Variants in MARCHF6 observed in about 807,000 individuals in gnomAD.
MARCHF6 encodes membrane associated ring-CH-type finger 6.
In MARCHF6, 31 loss-of-function variants were observed where a neutral mutation model predicts 133.7. That is an observed-to-expected ratio of 0.23 (90% confidence interval 0.17 to 0.31). The LOEUF (loss-of-function observed/expected upper bound fraction) is 0.31, where lower values mean the gene tolerates loss of function less well. MARCHF6 is among the 10% of genes least tolerant of loss of function. The pLI, the probability that MARCHF6 is intolerant of heterozygous loss-of-function variation, is 1.00. For missense variants in MARCHF6, 723 were observed against 1,121.6 expected, an observed-to-expected ratio of 0.64 and a Z score of 5.08; for synonymous variants, 395 against 402.5, an observed-to-expected ratio of 0.98 and a Z score of 0.22.
chr5:10,427,059 C>G (rs1214811839), intron 24 of MARCHF6, among the ~76,000 whole-genome samples: 3 of 152,240 alleles, frequency 2.0e-5, no homozygotes, highest in Admixed American at 6.5e-5. Context: ...AGAATTCCGT[C>G]TCTCAGCAGC....
intron 1 of MARCHF6, among the ~76,000 whole-genome samples, chr5:10,360,971 A>T (rs1216870565): frequency 1.3e-5 from 2 of 152,236 alleles, no homozygotes; most frequent in Non-Finnish European, 2.9e-5. Context: ...AAGACTATGA[A>T]GATCACTTAT....
chr5:10,399,052 A>C (rs2126753592), intron 10 of MARCHF6, among the ~76,000 whole-genome samples: 1 of 152,276 alleles, frequency 6.6e-6, no homozygotes. Flanking sequence ...AATTGTCCTT[A>C]ATTTCAGGAT....
At position 10,410,275 on chromosome 5, in the gene MARCHF6, C is replaced by T. The variant is rs775638871; in HGVS notation, c.1690C>T (p.Leu564=). 5 of 1,612,252 alleles carry T rather than the reference C, an allele frequency of 3.1e-6. No homozygotes were observed. The Admixed American group carries it at 5.0e-5, about 16-fold the overall frequency. Residue 564 remains leucine (L), a splice_region_variant and synonymous_variant, in exon 18 of 26, where the codon CTG becomes TTG. Transcript: ENST00000274140. ...RAWTVTAGYL[L]DLHSYLLGDQ... is the part of the protein sequence containing the mutation. ...GTGGACTGTGACCGCCGGATACTTG[C>T]TGTGAGTATGGGCAGCTGACTCCTT...
chr5:10,419,873 A>G (rs1195346409), intron 22 of MARCHF6, among the ~76,000 whole-genome samples: 1 of 152,242 alleles, frequency 6.6e-6, no homozygotes, highest in African/African-American at 2.4e-5. Flanking sequence ...AAGACAGGGC[A>G]TATCACTTTG....
intron 14 of MARCHF6, among the ~76,000 whole-genome samples, chr5:10,402,881 A>G (rs1296359873): frequency 6.6e-6 from 1 of 152,196 alleles, no homozygotes; most frequent in African/African-American, 2.4e-5. Context: ...ATTTGTGTAG[A>G]TAATGCCAAG....
chr5:10,429,269 A>T (rs1465258391), intron 24 of MARCHF6, among the ~76,000 whole-genome samples: 8 of 152,192 alleles, frequency 5.3e-5, no homozygotes, highest in Non-Finnish European at 7.3e-5. Flanking sequence ...TGTGTGTTCT[A>T]AAAGTTTGAG....
intron 10 of MARCHF6, among the ~76,000 whole-genome samples, chr5:10,398,005 C>T (rs532873933): frequency 1.3e-5 from 2 of 152,170 alleles, no homozygotes; most frequent in East Asian, 3.9e-4. Flanking sequence ...TTGAGTAAAC[C>T]AAGGCCTTAG....
chr5:10,424,424 T>C (rs1393249447), intron 23 of MARCHF6, among the ~76,000 whole-genome samples: 1 of 152,230 alleles, frequency 6.6e-6, no homozygotes, highest in East Asian at 1.9e-4. Context: ...ATTTATATTC[T>C]GCTTCTAGGC....
chr5:10,405,800 T>C, intron 16 of MARCHF6, 123 bp downstream of exon 16: 1 of 796,552 alleles, frequency 1.3e-6, no homozygotes, highest in Non-Finnish European at 1.8e-6. Context: ...TATATTTATC[T>C]AAGCCTGTGG....
At position 10,394,797 on chromosome 5, in the gene MARCHF6, T is replaced by A. The variant is rs773389192; in HGVS notation, c.861+12T>A. The A allele has an allele frequency of 1.3e-6, 2 of 1,507,908 alleles. No individual in the cohort carries two copies. Among genetic ancestry groups the A allele is most frequent in the Non-Finnish European group, 9.1e-7 (1 of 1,101,348 alleles). The allele number at this position is 1,507,908 out of a possible 1,614,324, so 93.4% of individuals were successfully genotyped here. On this transcript the variant is annotated intron_variant, in intron 9 of 25. Coordinates refer to ENST00000274140, the MANE Select transcript of MARCHF6 (RefSeq NM_005885.4). ...CACTAGTTTTTCTGGTAAGTAAAACTAATTTTTTTTTTTTTTTTTTGAGAC... is the reference window on the plus strand; with the variant it reads ...CACTAGTTTTTCTGGTAAGTAAAACAAATTTTTTTTTTTTTTTTTTGAGAC...
intron 9 of MARCHF6, among the ~76,000 whole-genome samples, chr5:10,396,243 C>T (rs908110279): frequency 3.9e-5 from 6 of 152,188 alleles, no homozygotes; most frequent in African/African-American, 1.4e-4. Context: ...AACATGTAAA[C>T]AAGGAATGTT....
At chr5:10,363,398 A>G (rs151306726) in intron 1 of MARCHF6, among the ~76,000 whole-genome samples, 2 of 152,376 alleles carry the variant, frequency 1.3e-5, no homozygotes, top group Non-Finnish European at 2.9e-5. Context: ...ATGGCTATTA[A>G]GCATATGCAA....
intron 7 of MARCHF6, among the ~76,000 whole-genome samples, chr5:10,392,579 C>T (rs988494520): frequency 2.0e-5 from 3 of 152,078 alleles, no homozygotes; most frequent in African/African-American, 7.2e-5. Context: ...CATGGTGAAA[C>T]CCCATCTCTC....
intron 5 of MARCHF6, among the ~76,000 whole-genome samples, chr5:10,389,304 C>T (rs1326850242): frequency 6.6e-6 from 1 of 152,188 alleles, no homozygotes; most frequent in South Asian, 2.1e-4. Context: ...TGTATGATTA[C>T]TAAAGGAACC....
chr5:10,429,888 T>C lies in MARCHF6; in HGVS notation c.2507-5T>C, dbSNP rs758213135. On this transcript the variant is annotated splice_polypyrimidine_tract_variant and splice_region_variant and intron_variant, in intron 24 of 25. Transcript: ENST00000274140. ...ACTGAAAGTTTTTCTTTTTTGGTTT[T>C]CTAGGTGTTACTGCGGAAATGCAAA... The C allele has an allele frequency of 5.0e-5, 80 of 1,609,126 alleles. No homozygotes were observed. The highest frequency in any genetic ancestry group is 6.5e-5 in the Non-Finnish European group (76 of 1,176,446).
intron 25 of MARCHF6, 110 bp from the exon 26 acceptor site, chr5:10,433,484 T>C: frequency 1.3e-6 from 1 of 784,458 alleles, no homozygotes; most frequent in Non-Finnish European, 2.2e-6. Flanking sequence ...TCCCTTTGAC[T>C]TGCCCAACCA....
intron 19 of MARCHF6, 40 bp from the exon 20 acceptor site, chr5:10,414,393 G>A (rs371551175): frequency 1.3e-5 from 14 of 1,096,714 alleles, no homozygotes; most frequent in African/African-American, 1.1e-4. Flanking sequence ...CATTGAGCAC[G>A]TGTTCTCTAT....
At chr5:10,390,229 T>G (rs80209178) in intron 5 of MARCHF6, 103 bp from the exon 6 acceptor site, 2 of 588,418 alleles carry the variant, frequency 3.4e-6, no homozygotes, top group Non-Finnish European at 5.2e-6. Context: ...CTTCTGGCTG[T>G]TTTTTTTTTT....
intron 19 of MARCHF6, among the ~76,000 whole-genome samples, chr5:10,412,679 C>G (rs1739298246): frequency 6.6e-6 from 1 of 152,100 alleles, no homozygotes; most frequent in Non-Finnish European, 1.5e-5. Flanking sequence ...TTCAAGCGAT[C>G]CTCCTACCTA....
Sources: gnomAD v4.1 joint callset for allele counts (sites outside exome capture counted in the v4.1 genomes callset) on GRCh38, gnomAD v4.1.1 for gene constraint, MANE v1.5 for transcripts, NCBI Gene and HGNC (gene_info 2026-07-23, HGNC 2026-07-21) for gene names.